Variants in ANKRD62 observed in about 807,000 individuals in gnomAD.
ANKRD62 encodes ankyrin repeat domain-containing protein 62.
ANKRD62 carries 61 observed loss-of-function variants against 98.8 expected under a neutral mutation model. The ratio of observed to expected loss-of-function variants is 0.62; its 90% CI spans 0.50 to 0.76. The LOEUF (loss-of-function observed/expected upper bound fraction) is 0.76, where lower values mean the gene tolerates loss of function less well. Among genes scored for constraint, ANKRD62 ranks in the 30% least tolerant of loss-of-function variants. The probability of loss-of-function intolerance (pLI) is 0.00; values close to 1 mark genes in which losing one functional copy is unlikely to be tolerated. For missense variants in ANKRD62, 933 were observed against 1,082.9 expected, an observed-to-expected ratio of 0.86 and a Z score of 1.94; for synonymous variants, 341 against 367.9, an observed-to-expected ratio of 0.93 and a Z score of 0.84.
At chr18:12,176,158 C>G in the ANKRD62 span, among the ~76,000 whole-genome samples, 1 of 151,880 alleles carries the variant, frequency 6.6e-6, no homozygotes, top group African/African-American at 2.4e-5. Context: ...TGCTACTGCA[C>G]TCTAGCCTGG....
At chr18:12,181,054 A>G in the ANKRD62 span, among the ~76,000 whole-genome samples, 2 of 150,722 alleles carry the variant, frequency 1.3e-5, no homozygotes, top group Admixed American at 6.7e-5. Context: ...ACAATTATTT[A>G]TGGACTGTAC....
In ANKRD62 at chr18:12,122,531, T is replaced by A. The variant is rs1185230911; in HGVS notation, c.1454+15T>A. 1 of 1,496,620 alleles carries A rather than the reference T, an allele frequency of 6.7e-7. No individual in the cohort carries two copies. The highest frequency in any genetic ancestry group is 8.8e-7 in the Non-Finnish European group (1 of 1,131,696). The allele number at this position is 1,496,620 out of a possible 1,614,324, so 92.7% of individuals were successfully genotyped here. ...TGTAATTTGAGGTATCACATTCTAG[T>A]TTTAAAGAAATATTTCAACTATTTA... On this transcript the variant is annotated intron_variant, in intron 11 of 13. Coordinates refer to ENST00000587848, the MANE Select transcript of ANKRD62 (RefSeq NM_001277333.2).
At chr18:12,122,732 G>A (rs1452762247) in intron 11 of ANKRD62, among the ~76,000 whole-genome samples, 4 of 151,904 alleles carry the variant, frequency 2.6e-5, no homozygotes, top group Admixed American at 2.6e-4. Context: ...TATTTTAATG[G>A]CTATATAGAA....
At chr18:12,151,456 C>G in the ANKRD62 span, among the ~76,000 whole-genome samples, 1 of 152,168 alleles carries the variant, frequency 6.6e-6, no homozygotes, top group Non-Finnish European at 1.5e-5. Flanking sequence ...GTAATTCTGT[C>G]CCTGAAAACA....
intron 7 of ANKRD62, among the ~76,000 whole-genome samples, chr18:12,103,488 GAAA>G (rs755006163): frequency 9.9e-5 from 15 of 152,020 alleles, no homozygotes; most frequent in African/African-American, 1.7e-4. Context: ...ATGTAATAAA[GAAA>G]GTAATATCAA....
At position 12,125,872 on chromosome 18, in the gene ANKRD62, C is replaced by T. The variant is rs1336147849; in HGVS notation, c.2051C>T (p.Thr684Ile). 18 of 1,545,702 alleles carry T rather than the reference C, an allele frequency of 1.2e-5. No homozygotes were observed. The highest frequency in any genetic ancestry group is 2.4e-5 in the South Asian group (2 of 84,094). The change falls in exon 13 of 14, where the codon ACA (threonine) becomes ATA (isoleucine). Residue 684 changes from threonine to isoleucine, a missense_variant. Thr to Ile is a moderately conservative substitution (Grantham distance 89). This residue lies in a region of ANKRD62 where 362 missense variants were observed against 434.5 expected (regional missense o/e 0.83). Transcript: ENST00000587848. The part of the protein sequence containing the change: ...KRDLQLAFQS[T>I]VNEWCHLQED... ...GACCTACAGCTTGCTTTCCAGAGCA[C>T]AGTGAATGAATGGTGTCATTTACAA...
the ANKRD62 span, among the ~76,000 whole-genome samples, chr18:12,178,307 T>C: frequency 6.7e-6 from 1 of 149,454 alleles, no homozygotes; most frequent in Admixed American, 6.6e-5. Flanking sequence ...GGAACTGAAG[T>C]GATCCCCACC....
chr18:12,166,046 G>A, the ANKRD62 span, among the ~76,000 whole-genome samples: 31,608 of 151,908 alleles, frequency 0.21, 4,238 homozygotes, highest in East Asian at 0.54. Context: ...TTCTTTTCTC[G>A]TGTTGCTTTT....
the ANKRD62 span, among the ~76,000 whole-genome samples, chr18:12,180,928 A>C: frequency 2.4e-5 from 3 of 122,670 alleles, no homozygotes; most frequent in African/African-American, 6.1e-5. Context: ...ATATCTCCTA[A>C]TGCTATCCCT....
At chr18:12,132,446 T>C (rs1037388756), downstream of ANKRD62, among the ~76,000 whole-genome samples, 27 of 152,122 alleles carry the variant, frequency 1.8e-4, no homozygotes, top group Non-Finnish European at 3.4e-4. Context: ...TCTTCCTTTT[T>C]TTCTTCCTTC....
At chr18:12,132,276 C>A (rs1302281982), downstream of ANKRD62, among the ~76,000 whole-genome samples, 5 of 152,048 alleles carry the variant, frequency 3.3e-5, no homozygotes, top group African/African-American at 9.7e-5. Context: ...GATCATGTAT[C>A]CTGCAATGTG....
At chr18:12,124,685 C>G (rs984574003) in intron 12 of ANKRD62, among the ~76,000 whole-genome samples, 1 of 138,472 alleles carries the variant, frequency 7.2e-6, no homozygotes, top group African/African-American at 2.7e-5. Context: ...CTCAGGATTT[C>G]CTAAGAAGAG....
At chr18:12,145,239 G>A in the ANKRD62 span, among the ~76,000 whole-genome samples, 1 of 152,156 alleles carries the variant, frequency 6.6e-6, no homozygotes, top group African/African-American at 2.4e-5. Context: ...AAAGATGTTG[G>A]CCTGCCTCTC....
chr18:12,172,455 A>G, the ANKRD62 span, among the ~76,000 whole-genome samples: 3 of 152,132 alleles, frequency 2.0e-5, no homozygotes, highest in African/African-American at 7.2e-5. Flanking sequence ...CTTGCAGAAC[A>G]GCAATGTTGC....
the ANKRD62 span, among the ~76,000 whole-genome samples, chr18:12,170,424 A>T: frequency 6.6e-6 from 1 of 152,032 alleles, no homozygotes; most frequent in Non-Finnish European, 1.5e-5. Context: ...TTCAGTTTCG[A>T]TGTAGTTGTG....
chr18:12,171,847 CT>C, the ANKRD62 span, among the ~76,000 whole-genome samples: 2 of 152,202 alleles, frequency 1.3e-5, no homozygotes, highest in East Asian at 3.9e-4. Flanking sequence ...TCTTTTTACC[CT>C]TTTTTCTCTA....
chr18:12,115,974 G>T (rs1030650915), intron 10 of ANKRD62, among the ~76,000 whole-genome samples: 9 of 152,050 alleles, frequency 5.9e-5, no homozygotes, highest in Non-Finnish European at 8.8e-5. Flanking sequence ...ACTTGTCATT[G>T]CTATAAGGTA....
chr18:12,109,337 T>G (rs4416083), intron 8 of ANKRD62, among the ~76,000 whole-genome samples: 93,337 of 152,062 alleles, frequency 0.61, 29,095 homozygotes, highest in Middle Eastern at 0.76. Context: ...AAGGCATGGG[T>G]TTTTCACTCT....
the ANKRD62 span, among the ~76,000 whole-genome samples, chr18:12,150,579 C>T: frequency 6.6e-6 from 1 of 152,140 alleles, no homozygotes; most frequent in African/African-American, 2.4e-5. Context: ...ACAAAGGGAA[C>T]CCCATCAGGC....
Sources: allele counts gnomAD v4.1 joint callset (sites outside exome capture counted in the v4.1 genomes callset), GRCh38; gene constraint gnomAD v4.1.1; regional missense constraint gnomAD v4.1.1; transcripts MANE v1.5; gene names NCBI Gene and HGNC (gene_info 2026-07-23, HGNC 2026-07-21).